The following CAV1 variants were observed in gnomAD, a reference collection of about 807,000 sequenced individuals.
CAV1 encodes the protein caveolin 1.
A neutral mutation model predicts 16.5 loss-of-function variants in CAV1; 10 were observed. The observed-to-expected ratio is 0.61, with a 90% CI of 0.37 to 1.03. The LOEUF (loss-of-function observed/expected upper bound fraction) is 1.03, where lower values mean the gene tolerates loss of function less well. CAV1 is among the 50% of genes least tolerant of loss of function. The probability of loss-of-function intolerance (pLI) is 0.01; values close to 1 mark genes in which losing one functional copy is unlikely to be tolerated. For synonymous variants in CAV1, 76 were observed against 85.1 expected (o/e 0.89, Z 0.59); for missense variants, 212 against 232.8 (o/e 0.91, Z 0.58).
rs1219185482 is a variant in CAV1 at position 116,526,507 on chromosome 7, G to A, written c.31-18G>A. 1.9e-6 allele frequency: 3 copies of A among 1,613,368 alleles called. No homozygotes were observed. Among genetic ancestry groups the A allele is most frequent in the Non-Finnish European group, 2.5e-6 (3 of 1,179,940 alleles). ...GCCGCCCTCCCCGTCCTGGCCGTCCGCCCTCCGCCCTCTGCAGGGACATCT... is the reference window on the plus strand; with the variant it reads ...GCCGCCCTCCCCGTCCTGGCCGTCCACCCTCCGCCCTCTGCAGGGACATCT... On this transcript the variant is annotated intron_variant, in intron 1 of 2. Coordinates refer to ENST00000341049, the MANE Select transcript of CAV1 (RefSeq NM_001753.5).
Position 116,559,355 on chromosome 7 carries a change from G to A in CAV1, c.*68G>A. 8.8e-7 allele frequency: 1 copy of A among 1,130,006 alleles called. No individual in the cohort carries two copies. Among genetic ancestry groups the A allele is most frequent in the Non-Finnish European group, 1.3e-6 (1 of 756,828 alleles). 70.0% of individuals were successfully genotyped at this position (1,130,006 alleles called of 1,614,324 possible). ...TTAATTTTCCTGGTGCCAATTTCAAGTTCCAAGTTGCTAATACAGCAACAA... is the reference window on the plus strand; with the variant it reads ...TTAATTTTCCTGGTGCCAATTTCAAATTCCAAGTTGCTAATACAGCAACAA... On this transcript the variant is annotated 3_prime_UTR_variant, in exon 3 of 3. Coordinates refer to ENST00000341049, the MANE Select transcript of CAV1 (RefSeq NM_001753.5).
intron 2 of CAV1, among the ~76,000 whole-genome samples, chr7:116,549,543 TTTTA>T (rs1175254648): frequency 4.6e-5 from 7 of 152,250 alleles, no homozygotes; most frequent in Admixed American, 3.3e-4. Flanking sequence ...ATAAAATGAT[TTTTA>T]TTTATTTATT....
intron 2 of CAV1, among the ~76,000 whole-genome samples, chr7:116,542,056 A>G (rs764283253): frequency 5.9e-5 from 9 of 152,206 alleles, no homozygotes; most frequent in Non-Finnish European, 1.3e-4. Flanking sequence ...CGTTGTTTCA[A>G]TCAGTGGTTG....
At chr7:116,534,390 TATA>T (rs1389498314) in intron 2 of CAV1, among the ~76,000 whole-genome samples, 7 of 14,986 alleles carry the variant, frequency 4.7e-4, no homozygotes, top group African/African-American at 1.6e-3. Context: ...TATATATATA[TATA>T]TATTTTTTTT....
chr7:116,546,393 A>G (rs940698772), intron 2 of CAV1, among the ~76,000 whole-genome samples: 1 of 152,054 alleles, frequency 6.6e-6, no homozygotes, highest in African/African-American at 2.4e-5. Context: ...GGAACCCCAT[A>G]AAAAAGAATA....
chr7:116,526,372 C>A, intron 1 of CAV1, 153 bp from the exon 2 acceptor site: 1 of 1,513,536 alleles, frequency 6.6e-7, no homozygotes, highest in Non-Finnish European at 8.8e-7. Context: ...GTGCACGGAG[C>A]CGTAGCTGTC....
At chr7:116,556,811 A>G (rs946096853) in intron 2 of CAV1, among the ~76,000 whole-genome samples, 27 of 152,156 alleles carry the variant, frequency 1.8e-4, no homozygotes, top group African/African-American at 6.3e-4. Flanking sequence ...ATTTCAGGGC[A>G]GTCATGGATG....
chr7:116,532,037 C>T (rs976279286), intron 2 of CAV1, among the ~76,000 whole-genome samples: 1 of 152,160 alleles, frequency 6.6e-6, no homozygotes, highest in Admixed American at 6.5e-5. Flanking sequence ...TCTTTTCCCT[C>T]CTCCATCTAT....
At chr7:116,549,436 A>G (rs34678019) in intron 2 of CAV1, among the ~76,000 whole-genome samples, 13,264 of 152,240 alleles carry the variant, frequency 0.087, 730 homozygotes, top group East Asian at 0.21. Context: ...TGGGCTTTCC[A>G]TGCTGTCCAA....
chr7:116,553,535 C>T (rs1794205004), intron 2 of CAV1, among the ~76,000 whole-genome samples: 1 of 151,990 alleles, frequency 6.6e-6, no homozygotes, highest in East Asian at 1.9e-4. Context: ...CCAAGTTGTT[C>T]CATAAATTAC....
chr7:116,555,519 A>G (rs1562838191), intron 2 of CAV1, among the ~76,000 whole-genome samples: 72 of 6,554 alleles, frequency 0.011, no homozygotes, highest in South Asian at 0.037. Context: ...AAAGAAAGAA[A>G]GAGAGAGAGA....
At chr7:116,546,697 CAAAAA>C (rs5886830) in intron 2 of CAV1, among the ~76,000 whole-genome samples, 2 of 88,384 alleles carry the variant, frequency 2.3e-5, no homozygotes, top group Non-Finnish European at 2.3e-5. Flanking sequence ...GACTCTGTCA[CAAAAA>C]AAAAAAAAAA....
rs1794242343 is a variant in CAV1, at chr7:116,555,448, A to AAGGAAGGAAGG, written c.196-3497_196-3496insGGAAGGAAGGA. On this transcript the variant is annotated intron_variant, in intron 2 of 2. Coordinates refer to ENST00000341049, the MANE Select transcript of CAV1 (RefSeq NM_001753.5). ...AGCAAGAACCTGTCTCCAAAAAAAG[A>AAGGAAGGAAGG]AAGGAAGGAAGGAAGGAAGGAAGGA... 2.6e-3 allele frequency among the ~76,000 whole-genome samples: 98 copies of AAGGAAGGAAGG among 37,394 alleles called. 1 individual carries two copies. The highest frequency in any genetic ancestry group is 4.5e-3 in the Non-Finnish European group (82 of 18,172). 24.5% of individuals were successfully genotyped at this position (37,394 alleles called of 152,430 possible). A position where few individuals can be genotyped will look rare whatever the true frequency, so the allele number is the denominator to read the frequency against.
chr7:116,554,255 T>C (rs1251415323), intron 2 of CAV1, among the ~76,000 whole-genome samples: 3 of 152,218 alleles, frequency 2.0e-5, no homozygotes, highest in Non-Finnish European at 2.9e-5. Flanking sequence ...CATGTCAAAA[T>C]ATACTTGGAT....
intron 2 of CAV1, chr7:116,527,044 C>A: frequency 2.8e-6 from 1 of 356,462 alleles, no homozygotes; most frequent in Non-Finnish European, 5.4e-6. Context: ...TATCCATTCC[C>A]AGGTTGAAAG....
At chr7:116,535,857 G>T (rs571486765) in intron 2 of CAV1, among the ~76,000 whole-genome samples, 1 of 152,162 alleles carries the variant, frequency 6.6e-6, no homozygotes, top group Non-Finnish European at 1.5e-5. Flanking sequence ...ACCATCATTA[G>T]TTGGGCTGGC....
chr7:116,526,958 A>T, intron 2 of CAV1: 1 of 508,726 alleles, frequency 2.0e-6, no homozygotes, highest in East Asian at 3.6e-5. Flanking sequence ...CTATAACTAC[A>T]CTTTTATCCT....
intron 2 of CAV1, among the ~76,000 whole-genome samples, chr7:116,545,076 C>T (rs1051733020): frequency 3.9e-5 from 6 of 152,190 alleles, no homozygotes; most frequent in Admixed American, 1.3e-4. Context: ...AAATATTTCT[C>T]AACTTCAAAT....
Position 116,552,256 on chromosome 7 carries a change from G to A in CAV1, c.196-6690G>A, listed in dbSNP as rs369854549. On this transcript the variant is annotated intron_variant, in intron 2 of 2. Coordinates refer to ENST00000341049, the MANE Select transcript of CAV1 (RefSeq NM_001753.5). ...ATATTAATTTGTTTCAGTCTTAGTC[G>A]ATGTGCCATCCCATTTGTGCTTTGC... is the stretch of plus-strand genomic sequence containing the variant. 5.8e-4 allele frequency among the ~76,000 whole-genome samples: 89 copies of A among 152,192 alleles called. 1 individual carries two copies. Among genetic ancestry groups the A allele is most frequent in the African/African-American group, 1.9e-3 (77 of 41,534 alleles).
Sources: allele counts gnomAD v4.1 joint callset (sites outside exome capture counted in the v4.1 genomes callset), GRCh38; gene constraint gnomAD v4.1.1; transcripts MANE v1.5; gene names NCBI Gene and HGNC (gene_info 2026-07-23, HGNC 2026-07-21).